SLF1: variants seen among roughly 807,000 people sequenced by gnomAD.
SLF1 encodes SMC5-SMC6 complex localization factor protein 1.
SLF1 carries 105 observed loss-of-function variants against 123.0 expected under a neutral mutation model. The ratio of observed to expected loss-of-function variants is 0.85; its 90% CI spans 0.73 to 1.00. SLF1 has a LOEUF of 1.00. Ranked by LOEUF, SLF1 falls within the 50% of genes least tolerant of loss-of-function variation. The pLI is 0.00. For synonymous variants in SLF1, 434 were observed against 406.6 expected, an observed-to-expected ratio of 1.07 and a Z score of -0.81; for missense variants, 1,239 against 1,223.0, an observed-to-expected ratio of 1.01 and a Z score of -0.20.
Position 94,653,381 on chromosome 5 carries a change from TAAAA to T in SLF1, c.994_997del (p.Lys332ValfsTer3). Reference sequence around the variant, plus strand: ...AAGAAAGGCGTTGAACATGAAAAAATAAAAAGTACCTTAAGAAGGCACATATATA... The same window carrying T: ...AAGAAAGGCGTTGAACATGAAAAAATAGTACCTTAAGAAGGCACATATATA... On this transcript the variant is annotated frameshift_variant, in exon 8 of 21. Coordinates refer to ENST00000265140, the MANE Select transcript of SLF1 (RefSeq NM_032290.4). LOFTEE classifies it high-confidence loss of function. 1 of 1,524,042 alleles carries T rather than the reference TAAAA, an allele frequency of 6.6e-7. No homozygotes were observed. Among genetic ancestry groups the T allele is most frequent in the Non-Finnish European group, 8.8e-7 (1 of 1,139,592 alleles). 94.4% of individuals were successfully genotyped at this position (1,524,042 alleles called of 1,614,324 possible). A position where few individuals can be genotyped will look rare whatever the true frequency, so the allele number is the denominator to read the frequency against.
chr5:94,632,105 T>G (rs1240914873), intron 4 of SLF1, among the ~76,000 whole-genome samples: 3 of 151,908 alleles, frequency 2.0e-5, no homozygotes, highest in Non-Finnish European at 4.4e-5. Context: ...CTATGAACTG[T>G]TTTTCAAAGT....
chr5:94,666,381 T>G (rs1426042619), intron 12 of SLF1, among the ~76,000 whole-genome samples: 1 of 152,240 alleles, frequency 6.6e-6, no homozygotes, highest in Non-Finnish European at 1.5e-5. Flanking sequence ...TAGACATTTG[T>G]AACTATAGTA....
At chr5:94,686,104 G>A (rs991181197) in intron 15 of SLF1, among the ~76,000 whole-genome samples, 7 of 152,058 alleles carry the variant, frequency 4.6e-5, no homozygotes, top group Admixed American at 1.3e-4. Flanking sequence ...ATTCATGGGT[G>A]TTGTCATAGG....
At chr5:94,650,129 C>T (rs566550348) in intron 6 of SLF1, among the ~76,000 whole-genome samples, 1 of 152,116 alleles carries the variant, frequency 6.6e-6, no homozygotes, top group Non-Finnish European at 1.5e-5. Flanking sequence ...GCAGTAGCAG[C>T]CACAAAAAGG....
chr5:94,672,425 T>G (rs993553654), intron 14 of SLF1, among the ~76,000 whole-genome samples: 4 of 151,886 alleles, frequency 2.6e-5, no homozygotes, highest in Non-Finnish European at 4.4e-5. Flanking sequence ...GTTTTTCACC[T>G]TGTATCTCCC....
At chr5:94,626,097 C>CAA (rs199920547) in intron 1 of SLF1, among the ~76,000 whole-genome samples, 22 of 149,406 alleles carry the variant, frequency 1.5e-4, no homozygotes, top group African/African-American at 3.0e-4. Context: ...ACTAAAAATA[C>CAA]AAAAAAAAAG....
chr5:94,652,092 C>T (rs1397758964), intron 7 of SLF1, among the ~76,000 whole-genome samples: 1 of 151,704 alleles, frequency 6.6e-6, no homozygotes, highest in Non-Finnish European at 1.5e-5. Context: ...ACTGCAACCT[C>T]TGCCTCCTGG....
chr5:94,662,517 T>C (rs1164804458), intron 10 of SLF1, among the ~76,000 whole-genome samples, 166 bp downstream of exon 10: 2 of 152,332 alleles, frequency 1.3e-5, no homozygotes, highest in African/African-American at 2.4e-5. Flanking sequence ...GATAAAAATA[T>C]TCTGTCAAAA....
At chr5:94,688,019 T>C (rs1046084131) in intron 16 of SLF1, among the ~76,000 whole-genome samples, 2 of 130,690 alleles carry the variant, frequency 1.5e-5, no homozygotes, top group African/African-American at 5.5e-5. Context: ...TAGATATTAA[T>C]ATCTATCTTT....
chr5:94,684,361 G>A (rs1203948996), intron 15 of SLF1, among the ~76,000 whole-genome samples: 1 of 152,152 alleles, frequency 6.6e-6, no homozygotes, highest in Non-Finnish European at 1.5e-5. Context: ...GTAGTAGCAA[G>A]AGAACGGGTT....
At chr5:94,671,790 A>G (rs897050337) in intron 14 of SLF1, among the ~76,000 whole-genome samples, 2 of 151,484 alleles carry the variant, frequency 1.3e-5, no homozygotes, top group Admixed American at 6.6e-5. Flanking sequence ...ACTTTAACCT[A>G]GAGTGCTCTG....
At chr5:94,671,460 A>G (rs1750441371) in intron 14 of SLF1, among the ~76,000 whole-genome samples, 1 of 151,714 alleles carries the variant, frequency 6.6e-6, no homozygotes, top group Admixed American at 6.6e-5. Flanking sequence ...CTGTCATTAG[A>G]AATTTAACAT....
intron 20 of SLF1, among the ~76,000 whole-genome samples, chr5:94,693,205 T>TTA (rs1753223653): frequency 6.6e-6 from 1 of 152,080 alleles, no homozygotes; most frequent in Non-Finnish European, 1.5e-5. Context: ...AGACATTTGG[T>TTA]TATATATAGT....
intron 18 of SLF1, 81 bp from the exon 19 acceptor site, chr5:94,691,483 C>A: frequency 2.0e-6 from 2 of 1,016,228 alleles, no homozygotes; most frequent in Non-Finnish European, 1.4e-6. Context: ...GGGGCCAGAT[C>A]TCCTAGTTCA....
At chr5:94,650,294 C>T (rs1182536773) in intron 6 of SLF1, among the ~76,000 whole-genome samples, 1 of 150,832 alleles carries the variant, frequency 6.6e-6, no homozygotes, top group Non-Finnish European at 1.5e-5. Context: ...AGAAGAAATT[C>T]AAAATAAATT....
intron 16 of SLF1, among the ~76,000 whole-genome samples, chr5:94,687,918 G>A (rs189522262): frequency 1.4e-4 from 21 of 151,330 alleles, no homozygotes; most frequent in South Asian, 4.2e-4. Context: ...TTGATTTAAA[G>A]TTTTCCAGTT....
intron 4 of SLF1, among the ~76,000 whole-genome samples, chr5:94,636,364 A>G (rs1037723231): frequency 6.6e-6 from 1 of 152,162 alleles, no homozygotes; most frequent in Non-Finnish European, 1.5e-5. Flanking sequence ...ATTTCCATAA[A>G]TATGCTTTCT....
chr5:94,642,985 A>G (rs1746614394), intron 4 of SLF1, among the ~76,000 whole-genome samples: 1 of 152,142 alleles, frequency 6.6e-6, no homozygotes, highest in African/African-American at 2.4e-5. Context: ...TGGTTTATTG[A>G]CATGACTTTT....
chr5:94,691,264 A>G (rs1753025043), intron 18 of SLF1: 3 of 281,378 alleles, frequency 1.1e-5, no homozygotes, highest in South Asian at 1.2e-4. Flanking sequence ...GTTTTATAGC[A>G]GGATTGAAGC....
Sources: gnomAD v4.1 joint callset for allele counts (sites outside exome capture counted in the v4.1 genomes callset) on GRCh38, gnomAD v4.1.1 for gene constraint, MANE v1.5 for transcripts, NCBI Gene and HGNC (gene_info 2026-07-23, HGNC 2026-07-21) for gene names.